Variants in SORCS2 observed in about 807,000 individuals in gnomAD.
SORCS2 encodes VPS10 domain-containing receptor SorCS2.
Under a neutral mutation model 141.6 loss-of-function variants are expected in SORCS2, and 100 were observed. The observed-to-expected ratio is 0.71, with a 90% confidence interval of 0.60 to 0.83. SORCS2 has a LOEUF of 0.83. Among genes scored for constraint, SORCS2 ranks in the 40% least tolerant of loss-of-function variants. The pLI, the probability that SORCS2 is intolerant of heterozygous loss-of-function variation, is 0.00. For missense variants in SORCS2, 1,646 were observed against 1,560.2 expected, an observed-to-expected ratio of 1.05 and a Z score of -0.93; for synonymous variants, 789 against 676.9, an observed-to-expected ratio of 1.17 and a Z score of -2.57.
chr4:7,419,875 G>A (rs1450044272), intron 2 of SORCS2, among the ~76,000 whole-genome samples: 1 of 152,196 alleles, frequency 6.6e-6, no homozygotes, highest in African/African-American at 2.4e-5. Flanking sequence ...GGCTTCCTAG[G>A]ATGAAGTTTC....
chr4:7,397,327 A>C (rs9994834), intron 2 of SORCS2, among the ~76,000 whole-genome samples: 26,939 of 152,088 alleles, frequency 0.18, 2,549 homozygotes, highest in Admixed American at 0.23. Flanking sequence ...TGGTAGAAGG[A>C]ATGGCATCAC....
chr4:7,316,644 T>TTA (rs1718580525), intron 1 of SORCS2, among the ~76,000 whole-genome samples: 1 of 152,230 alleles, frequency 6.6e-6, no homozygotes, highest in African/African-American at 2.4e-5. Flanking sequence ...ATGTTAACTC[T>TTA]TATTATTAGC....
intron 2 of SORCS2, among the ~76,000 whole-genome samples, chr4:7,471,999 G>A (rs1187072531): frequency 6.6e-6 from 1 of 152,236 alleles, no homozygotes; most frequent in Non-Finnish European, 1.5e-5. Flanking sequence ...CGATTCAGCG[G>A]CATCATTCCC....
chr4:7,274,778 CTG>C (rs993456036), intron 1 of SORCS2, among the ~76,000 whole-genome samples: 3 of 152,194 alleles, frequency 2.0e-5, no homozygotes, highest in Non-Finnish European at 2.9e-5. Flanking sequence ...GGAGCCTACT[CTG>C]TGTGGGCCTG....
chr4:7,679,624 A>G (rs904562975), intron 9 of SORCS2, among the ~76,000 whole-genome samples: 1 of 152,142 alleles, frequency 6.6e-6, no homozygotes, highest in African/African-American at 2.4e-5. Context: ...GCGGAGGTGG[A>G]AGGGGCAGGA....
At chr4:7,703,182 GCT>G (rs1259536302) in intron 12 of SORCS2, 96 bp from the exon 13 acceptor site, 2 of 938,614 alleles carry the variant, frequency 2.1e-6, no homozygotes, top group Non-Finnish European at 3.2e-6. Context: ...ACAACCCCCG[GCT>G]GCACATTGAC....
chr4:7,504,330 G>A (rs576212777), intron 2 of SORCS2, among the ~76,000 whole-genome samples: 21 of 152,332 alleles, frequency 1.4e-4, no homozygotes, highest in South Asian at 8.3e-4. Context: ...GGTGGTTTTG[G>A]TGTTCAGCTC....
intron 3 of SORCS2, among the ~76,000 whole-genome samples, chr4:7,542,599 T>A (rs1712768180): frequency 6.6e-6 from 1 of 152,142 alleles, no homozygotes; most frequent in East Asian, 1.9e-4. Flanking sequence ...TCGGGAAGCA[T>A]TGTTGACACC....
At chr4:7,494,836 G>T (rs1255778805) in intron 2 of SORCS2, among the ~76,000 whole-genome samples, 4 of 152,226 alleles carry the variant, frequency 2.6e-5, no homozygotes, top group African/African-American at 9.6e-5. Flanking sequence ...CTGCAGCAAG[G>T]AGCAGGGGAT....
intron 11 of SORCS2, among the ~76,000 whole-genome samples, chr4:7,693,918 G>A (rs1724426147): frequency 2.0e-5 from 3 of 152,218 alleles, no homozygotes; most frequent in South Asian, 4.1e-4. Context: ...AGCCCCACCA[G>A]TTCTGTGGAC....
chr4:7,321,304 AT>A (rs1718879860), intron 1 of SORCS2, among the ~76,000 whole-genome samples: 1 of 152,170 alleles, frequency 6.6e-6, no homozygotes, highest in Non-Finnish European at 1.5e-5. Flanking sequence ...GTAGTATTCC[AT>A]GGTGTATGTA....
At chr4:7,349,789 T>C (rs1447403754) in intron 1 of SORCS2, among the ~76,000 whole-genome samples, 1 of 152,230 alleles carries the variant, frequency 6.6e-6, no homozygotes. Flanking sequence ...ACTGTTGGAC[T>C]GGACGCTCTG....
chr4:7,704,144 A>C (rs780973422), intron 13 of SORCS2, 33 bp from the exon 14 acceptor site: 1 of 1,589,630 alleles, frequency 6.3e-7, no homozygotes, highest in Admixed American at 1.8e-5. Flanking sequence ...TTTCCAGCCC[A>C]CCCCAGAGAT....
At chr4:7,301,367 A>T (rs962353722) in intron 1 of SORCS2, among the ~76,000 whole-genome samples, 1 of 152,238 alleles carries the variant, frequency 6.6e-6, no homozygotes, top group Non-Finnish European at 1.5e-5. Context: ...ACCCACCCTC[A>T]GCACAGGCCC....
chr4:7,703,429 C>T (rs893653212), intron 13 of SORCS2, 58 bp downstream of exon 13: 3 of 1,415,656 alleles, frequency 2.1e-6, no homozygotes, highest in African/African-American at 2.9e-5. Flanking sequence ...TTTCTTTCCA[C>T]CTGGGAACCC....
intron 3 of SORCS2, among the ~76,000 whole-genome samples, chr4:7,578,119 G>T (rs1043955264): frequency 6.6e-6 from 1 of 152,204 alleles, no homozygotes; most frequent in Non-Finnish European, 1.5e-5. Context: ...TCTCAGGATT[G>T]AGTTCTTGCT....
At chr4:7,714,418 G>A (rs1207236952) in intron 16 of SORCS2, 45 bp downstream of exon 16, 4 of 1,535,374 alleles carry the variant, frequency 2.6e-6, no homozygotes, top group Non-Finnish European at 3.5e-6. Context: ...CGCTGCTTGA[G>A]CATCCTCACA....
chr4:7,606,251 T>C (rs1718055734), intron 3 of SORCS2, among the ~76,000 whole-genome samples: 1 of 152,176 alleles, frequency 6.6e-6, no homozygotes, highest in Non-Finnish European at 1.5e-5. Context: ...TAAATAACAA[T>C]TTGCTCTTTA....
intron 3 of SORCS2, among the ~76,000 whole-genome samples, chr4:7,591,742 G>A (rs893949180): frequency 6.6e-6 from 1 of 152,172 alleles, no homozygotes; most frequent in Non-Finnish European, 1.5e-5. Context: ...GCTTTCTAAA[G>A]CGCCCCACGG....
Sources: gnomAD v4.1 joint callset for allele counts (sites outside exome capture counted in the v4.1 genomes callset) on GRCh38, gnomAD v4.1.1 for gene constraint, MANE v1.5 for transcripts, NCBI Gene and HGNC (gene_info 2026-07-23, HGNC 2026-07-21) for gene names.